GALNTL6: variants seen among roughly 807,000 people sequenced by gnomAD.
GALNTL6 encodes polypeptide N-acetylgalactosaminyltransferase-like 6.
GALNTL6 carries 46 observed loss-of-function variants against 73.7 expected under a neutral mutation model. The observed-to-expected ratio is 0.62, with a 90% CI of 0.49 to 0.80. The LOEUF (loss-of-function observed/expected upper bound fraction) is 0.80, where lower values mean the gene tolerates loss of function less well. GALNTL6 is among the 30% of genes least tolerant of loss of function. The pLI, the probability that GALNTL6 is intolerant of heterozygous loss-of-function variation, is 0.00. For synonymous variants in GALNTL6, 259 were observed against 263.7 expected, an observed-to-expected ratio of 0.98 and a Z score of 0.17; for missense variants, 604 against 755.0, an observed-to-expected ratio of 0.80 and a Z score of 2.34.
chr4:171,986,037 C>CAAAAAAAAAAAAAAAA, intron 2 of GALNTL6, among the ~76,000 whole-genome samples: 1 of 82,126 alleles, frequency 1.2e-5, no homozygotes, highest in Non-Finnish European at 2.1e-5. Flanking sequence ...GACTCTGTCT[C>CAAAAAAAAAAAAAAAA]AAAAAAAAAA....
chr4:171,996,756 T>G (rs1462890126), intron 2 of GALNTL6, among the ~76,000 whole-genome samples: 1 of 148,258 alleles, frequency 6.7e-6, no homozygotes, highest in Non-Finnish European at 1.5e-5. Context: ...CACAGTGTCT[T>G]AAGAAAGTCT....
chr4:173,011,634 G>A (rs1338587053), intron 11 of GALNTL6, among the ~76,000 whole-genome samples: 2 of 152,324 alleles, frequency 1.3e-5, no homozygotes, highest in East Asian at 1.9e-4. Context: ...TAAAGAGACT[G>A]TCTTTTCCCC....
At chr4:172,559,918 T>C (rs1341828961) in intron 5 of GALNTL6, among the ~76,000 whole-genome samples, 2 of 152,232 alleles carry the variant, frequency 1.3e-5, no homozygotes, top group Non-Finnish European at 2.9e-5. Flanking sequence ...AAATATGTTA[T>C]GCTTTACATA....
rs189211812 is a variant in GALNTL6, at chr4:171,889,093, C to T, written c.138+74375C>T. On this transcript the variant is annotated intron_variant, in intron 2 of 12. Transcript: ENST00000506823. ...TGCTGGGGTCTCTAGTATTTAGCAG[C>T]TGTTAAATTTTAATAGATGTCAGTA... Among the ~76,000 whole-genome samples the T allele has an allele frequency of 5.8e-3, 874 of 151,988 alleles. 10 individuals are homozygous for T. The highest frequency in any genetic ancestry group is 0.02 in the African/African-American group (817 of 41,506).
chr4:172,815,225 A>C (rs1158162477), intron 7 of GALNTL6, among the ~76,000 whole-genome samples: 1 of 152,236 alleles, frequency 6.6e-6, no homozygotes, highest in South Asian at 2.1e-4. Context: ...TACGTATTTC[A>C]AAACATCATG....
chr4:172,172,526 G>A (rs941823668), intron 2 of GALNTL6, among the ~76,000 whole-genome samples: 1 of 151,252 alleles, frequency 6.6e-6, no homozygotes, highest in African/African-American at 2.4e-5. Flanking sequence ...AAGAGATTAG[G>A]ACACACACAC....
chr4:171,819,549 G>C (rs1734628277), intron 2 of GALNTL6, among the ~76,000 whole-genome samples: 1 of 152,160 alleles, frequency 6.6e-6, no homozygotes, highest in African/African-American at 2.4e-5. Flanking sequence ...AGGTTGAGTG[G>C]TTTAAACGGT....
intron 2 of GALNTL6, among the ~76,000 whole-genome samples, chr4:172,180,225 T>C (rs547560115): frequency 6.6e-6 from 1 of 152,330 alleles, no homozygotes; most frequent in East Asian, 1.9e-4. Flanking sequence ...CATACATTTG[T>C]TGGCCACATT....
intron 5 of GALNTL6, among the ~76,000 whole-genome samples, chr4:172,530,714 C>A (rs1432095068): frequency 6.6e-6 from 1 of 151,950 alleles, no homozygotes; most frequent in Non-Finnish European, 1.5e-5. Flanking sequence ...TATTTTTCTT[C>A]TCTAAGGAAA....
chr4:172,344,633 A>G (rs1741679832), intron 4 of GALNTL6, among the ~76,000 whole-genome samples: 1 of 152,190 alleles, frequency 6.6e-6, no homozygotes, highest in Non-Finnish European at 1.5e-5. Context: ...CTGCAGGCTA[A>G]CATCCAAATT....
In GALNTL6 at chr4:171,864,926, C is replaced by T. The variant is rs1735931380; in HGVS notation, c.138+50208C>T. On this transcript the variant is annotated intron_variant, in intron 2 of 12. Coordinates refer to ENST00000506823, the MANE Select transcript of GALNTL6 (RefSeq NM_001034845.3). ...GATGGGAAACAGCACTTAAGAGGTA[C>T]ATATAAGCATTATTTGATTTGACCC... is the stretch of plus-strand genomic sequence containing the variant. Among the ~76,000 whole-genome samples, 6 of 152,172 alleles carry T rather than the reference C, an allele frequency of 3.9e-5. No individual in the cohort carries two copies. In the South Asian group the frequency reaches 1.2e-3, roughly 32 times the overall value.
chr4:171,871,937 G>T (rs1342509671), intron 2 of GALNTL6, among the ~76,000 whole-genome samples: 3 of 152,156 alleles, frequency 2.0e-5, no homozygotes, highest in African/African-American at 7.2e-5. Flanking sequence ...AAATAATCCA[G>T]TGTTGCACCC....
chr4:172,913,764 G>C (rs1476429235), intron 8 of GALNTL6, among the ~76,000 whole-genome samples: 1 of 152,192 alleles, frequency 6.6e-6, no homozygotes, highest in Non-Finnish European at 1.5e-5. Flanking sequence ...ATCTACATTT[G>C]ATTGGTGTAC....
At chr4:172,009,429 G>A (rs1740937179) in intron 2 of GALNTL6, among the ~76,000 whole-genome samples, 1 of 152,064 alleles carries the variant, frequency 6.6e-6, no homozygotes, top group Admixed American at 6.6e-5. Flanking sequence ...TCTACCCCCT[G>A]TGCCTGTCCC....
Position 172,216,622 on chromosome 4 carries a change from A to G in GALNTL6, c.139-13034A>G, listed in dbSNP as rs1469477078. ...GTCACTCATTAATTTTGAAAAATTCATAGTGATTATTCAAATATTTTATCT... is the reference window on the plus strand; with the variant it reads ...GTCACTCATTAATTTTGAAAAATTCGTAGTGATTATTCAAATATTTTATCT... On this transcript the variant is annotated intron_variant, in intron 2 of 12. Transcript: ENST00000506823. Among the ~76,000 whole-genome samples the G allele has an allele frequency of 5.3e-5, 8 of 152,116 alleles. No individual in the cohort carries two copies. The East Asian group carries it at 1.5e-3, about 29-fold the overall frequency.
chr4:172,226,832 C>T (rs1254424882), intron 2 of GALNTL6, among the ~76,000 whole-genome samples: 2 of 152,056 alleles, frequency 1.3e-5, no homozygotes, highest in African/African-American at 2.4e-5. Context: ...TCCCTGATAT[C>T]ACATTTTTAC....
At chr4:171,854,496 C>T (rs970075233) in intron 2 of GALNTL6, among the ~76,000 whole-genome samples, 2 of 152,158 alleles carry the variant, frequency 1.3e-5, no homozygotes, top group Admixed American at 6.5e-5. Flanking sequence ...AGTTGACTTC[C>T]TTTGTACACA....
chr4:172,600,601 G>T (rs889281319), intron 5 of GALNTL6, among the ~76,000 whole-genome samples: 1 of 152,130 alleles, frequency 6.6e-6, no homozygotes, highest in Non-Finnish European at 1.5e-5. Context: ...GTAAAACTAC[G>T]TAAGTCTAGG....
intron 5 of GALNTL6, among the ~76,000 whole-genome samples, chr4:172,369,406 C>T (rs1742697804): frequency 6.6e-6 from 1 of 152,226 alleles, no homozygotes; most frequent in South Asian, 2.1e-4. Context: ...CTCAGGAGCC[C>T]AGCTGGCTTC....
Sources: allele counts gnomAD v4.1 joint callset (sites outside exome capture counted in the v4.1 genomes callset), GRCh38; gene constraint gnomAD v4.1.1; transcripts MANE v1.5; gene names NCBI Gene and HGNC (gene_info 2026-07-23, HGNC 2026-07-21).